The following ZNF564 variants were observed in gnomAD, a reference collection of about 807,000 sequenced individuals.
ZNF564 encodes the protein zinc finger protein 564.
In ZNF564, 5 loss-of-function variants were observed where a neutral mutation model predicts 10.5. That is an observed-to-expected ratio of 0.48 (90% CI 0.25 to 1.00). The LOEUF is 1.00. Ranked by LOEUF, ZNF564 falls within the 50% of genes least tolerant of loss-of-function variation. The pLI is 0.16. For missense variants in ZNF564, 603 were observed against 669.7 expected, an observed-to-expected ratio of 0.90 and a Z score of 1.10; for synonymous variants, 242 against 218.1, an observed-to-expected ratio of 1.11 and a Z score of -0.97.
chr19:12,533,817 GCAGA>G (rs895003663), intron 1 of ZNF564, among the ~76,000 whole-genome samples: 19 of 142,982 alleles, frequency 1.3e-4, no homozygotes, highest in Non-Finnish European at 2.4e-4. Flanking sequence ...ACCCAAGTAA[GCAGA>G]CAGACAGACA....
chr19:12,533,074 A>G (rs1599279596), intron 1 of ZNF564: 3 of 152,310 alleles, frequency 2.0e-5, no homozygotes, highest in African/African-American at 7.2e-5. Flanking sequence ...AATTCTTCTC[A>G]AGTTCACAGG....
chr19:12,536,195 G>A (rs2021909049), intron 1 of ZNF564, among the ~76,000 whole-genome samples: 1 of 151,234 alleles, frequency 6.6e-6, no homozygotes, highest in South Asian at 2.1e-4. Flanking sequence ...TTCTTTTTTT[G>A]AGACAGGGTC....
At chr19:12,533,249 A>T (rs1235343440) in intron 1 of ZNF564, among the ~76,000 whole-genome samples, 1 of 152,230 alleles carries the variant, frequency 6.6e-6, no homozygotes, top group Non-Finnish European at 1.5e-5. Flanking sequence ...AAACAACACA[A>T]TTCTAAATAA....
At chr19:12,541,066 C>CAAAAAAAAAAAAAAA (rs35848835) in intron 1 of ZNF564, among the ~76,000 whole-genome samples, 2 of 59,734 alleles carry the variant, frequency 3.3e-5, no homozygotes, top group Non-Finnish European at 5.7e-5. Flanking sequence ...CCTGTCTCTA[C>CAAAAAAAAAAAAAAA]AAAAAAAAAA....
chr19:12,528,979 C>G (rs1328392364), intron 1 of ZNF564, among the ~76,000 whole-genome samples: 2 of 152,114 alleles, frequency 1.3e-5, no homozygotes, highest in South Asian at 4.1e-4. Flanking sequence ...GCAGGGGAAT[C>G]GCTTAAACAA....
At position 12,528,580 on chromosome 19, in the gene ZNF564, C is replaced by T; in HGVS notation, c.120G>A (p.Leu40=). 1 of 1,613,362 alleles carries T rather than the reference C, an allele frequency of 6.2e-7. No homozygotes were observed. Among genetic ancestry groups the T allele is most frequent in the Non-Finnish European group, 8.5e-7 (1 of 1,179,836 alleles). The stretch of plus-strand genomic sequence containing the variant: ...TGATGTCATCCTTACCTACACAGGC[C>T]AGGTTTCTAAAGGTTTCCCGCATCA... ...RDVMRETFRN[L]ACVGKKWEDQ... The change falls in exon 2 of 4, where the codon CTG becomes CTA. Residue 40 remains leucine, a synonymous_variant. Transcript: ENST00000339282.
intron 1 of ZNF564, 28 bp downstream of exon 1, chr19:12,551,301 TC>T (rs2022256673): frequency 6.2e-7 from 1 of 1,603,442 alleles, no homozygotes; most frequent in Non-Finnish European, 8.5e-7. Flanking sequence ...CCTCCCCCAG[TC>T]TCCAGGCGCC....
intron 1 of ZNF564, chr19:12,550,795 C>T (rs981250454): frequency 1.8e-5 from 3 of 162,932 alleles, no homozygotes; most frequent in Non-Finnish European, 4.0e-5. Context: ...GGGGAGGTCA[C>T]CTTTGGGAAT....
chr19:12,533,395 C>T (rs1377552484), intron 1 of ZNF564, among the ~76,000 whole-genome samples: 1 of 152,170 alleles, frequency 6.6e-6, no homozygotes, highest in African/African-American at 2.4e-5. Flanking sequence ...TGAACACCTA[C>T]ACCAGGAAAG....
chr19:12,534,148 G>C (rs1055074801), intron 1 of ZNF564, among the ~76,000 whole-genome samples: 38 of 151,994 alleles, frequency 2.5e-4, no homozygotes, highest in African/African-American at 8.9e-4. Context: ...ACCAGAAACA[G>C]GGTAAGAATG....
rs1269200754 is a variant in ZNF564, at chr19:12,551,448, G to A, written c.-116C>T. 6.3e-6 allele frequency: 9 copies of A among 1,436,222 alleles called. No homozygotes were observed. The highest frequency in any genetic ancestry group is 2.8e-5 in the East Asian group (1 of 36,230). 89.0% of individuals were successfully genotyped at this position (1,436,222 alleles called of 1,614,324 possible). ...CGGGGCCACTGGAGAAGCGGAGACC[G>A]GAACCCAAACGCAGCGGACACGAAA... On this transcript the variant is annotated 5_prime_UTR_variant, in exon 1 of 4. Coordinates refer to ENST00000339282, the MANE Select transcript of ZNF564 (RefSeq NM_144976.4).
chr19:12,538,312 A>C (rs2021958497), intron 1 of ZNF564, among the ~76,000 whole-genome samples: 2 of 151,980 alleles, frequency 1.3e-5, no homozygotes, highest in Non-Finnish European at 2.9e-5. Flanking sequence ...CAACATAGTG[A>C]AATCCTGTCT....
intron 1 of ZNF564, chr19:12,548,714 T>C (rs1255069984): frequency 1.2e-5 from 8 of 690,672 alleles, no homozygotes; most frequent in African/African-American, 8.8e-5. Flanking sequence ...GACCTCACAT[T>C]ATTGTTACTT....
Position 12,550,807 on chromosome 19 carries a change from C to G in ZNF564, c.3+523G>C, listed in dbSNP as rs77277879. Among the ~76,000 whole-genome samples the G allele has an allele frequency of 2.3e-3, 353 of 152,220 alleles. 1 individual carries two copies. Among genetic ancestry groups the G allele is most frequent in the African/African-American group, 8.1e-3 (335 of 41,524 alleles). On this transcript the variant is annotated intron_variant, in intron 1 of 3. Coordinates refer to ENST00000339282, the MANE Select transcript of ZNF564 (RefSeq NM_144976.4). ...CGAGGGGAGGTCACCTTTGGGAATG[C>G]GGGGAAGGAACCGGAAATTTAGGCA...
At chr19:12,535,830 A>G (rs1186979325) in intron 1 of ZNF564, among the ~76,000 whole-genome samples, 1 of 152,088 alleles carries the variant, frequency 6.6e-6, no homozygotes, top group Admixed American at 6.6e-5. Flanking sequence ...CCTGGCCAAC[A>G]TGGTGAAATC....
chr19:12,530,096 T>C (rs973423165), intron 1 of ZNF564: 2 of 152,204 alleles, frequency 1.3e-5, no homozygotes, highest in African/African-American at 4.8e-5. Context: ...ACCATTTTCT[T>C]CTGTTCCCTT....
intron 1 of ZNF564, among the ~76,000 whole-genome samples, chr19:12,543,952 G>A (rs1024160288): frequency 6.6e-6 from 1 of 152,122 alleles, no homozygotes; most frequent in African/African-American, 2.4e-5. Context: ...TCTCTCCTCT[G>A]CCTTGTGAGG....
chr19:12,531,138 T>C (rs1302048095), intron 1 of ZNF564, among the ~76,000 whole-genome samples: 1 of 152,178 alleles, frequency 6.6e-6, no homozygotes, highest in East Asian at 1.9e-4. Context: ...TAAAAACTGT[T>C]GAAGAGTCAA....
intron 1 of ZNF564, among the ~76,000 whole-genome samples, chr19:12,537,516 A>G (rs1044727739): frequency 6.6e-6 from 1 of 152,142 alleles, no homozygotes; most frequent in East Asian, 1.9e-4. Flanking sequence ...AGGGGGGCGG[A>G]TCACCTGAGG....
Sources: allele counts gnomAD v4.1 joint callset (sites outside exome capture counted in the v4.1 genomes callset), GRCh38; gene constraint gnomAD v4.1.1; transcripts MANE v1.5; gene names NCBI Gene and HGNC (gene_info 2026-07-23, HGNC 2026-07-21).